The following SV2C variants were observed in gnomAD, a reference collection of about 807,000 sequenced individuals.
The protein encoded by SV2C is synaptic vesicle glycoprotein 2C, also known as solute carrier family 22 member B3.
In SV2C, 49 loss-of-function variants were observed where a neutral mutation model predicts 79.7. The ratio of observed to expected loss-of-function variants is 0.61; its 90% CI spans 0.49 to 0.78. The LOEUF (loss-of-function observed/expected upper bound fraction) is 0.78, where lower values mean the gene tolerates loss of function less well. Among genes scored for constraint, SV2C ranks in the 30% least tolerant of loss-of-function variants. SV2C has a pLI of 0.00. For synonymous variants in SV2C, 334 were observed against 333.2 expected (o/e 1.00, Z -0.03); for missense variants, 833 against 912.9 (o/e 0.91, Z 1.13).
chr5:76,232,542 G>A (rs1745458273), intron 4 of SV2C, among the ~76,000 whole-genome samples: 1 of 150,696 alleles, frequency 6.6e-6, no homozygotes, highest in Admixed American at 6.6e-5. Flanking sequence ...GTAATGCCTA[G>A]GTTTTCTTCT....
intron 4 of SV2C, among the ~76,000 whole-genome samples, chr5:76,272,352 T>C (rs1746898329): frequency 6.6e-6 from 1 of 152,170 alleles, no homozygotes; most frequent in East Asian, 1.9e-4. Context: ...ACAGAGAGCT[T>C]TTGTTGATCA....
chr5:75,965,487 A>T, the SV2C span, among the ~76,000 whole-genome samples: 20 of 152,156 alleles, frequency 1.3e-4, no homozygotes, highest in African/African-American at 4.8e-4. Context: ...CATGTGACAC[A>T]CAGTGAAAAG....
intron 12 of SV2C, among the ~76,000 whole-genome samples, chr5:76,349,969 A>G (rs369509752): frequency 6.6e-6 from 1 of 152,222 alleles, no homozygotes; most frequent in African/African-American, 2.4e-5. Context: ...TGTCCACACA[A>G]CAGAAACCAA....
Position 76,132,284 on chromosome 5 carries a change from T to G in SV2C, c.534T>G (p.Ser178Arg). 1 of 1,613,920 alleles carries G rather than the reference T, an allele frequency of 6.2e-7. No individual in the cohort carries two copies. The change falls in exon 2 of 13, where the codon AGT (serine) becomes AGG (arginine). Residue 178 changes from serine (S) to arginine (R), a missense_variant. Ser to Arg is a moderately radical substitution (Grantham distance 110, BLOSUM62 -1). Coordinates refer to ENST00000502798, the MANE Select transcript of SV2C (RefSeq NM_014979.4). ...TTGTCGTTGGCTTCGTGTTACCCAG[T>G]GCTGAGACAGACCTCTGCATCCCAA... Reference protein sequence around the residue: ...EVFVVGFVLPSAETDLCIPNS... With the variant: ...EVFVVGFVLPRAETDLCIPNS...
intron 12 of SV2C, among the ~76,000 whole-genome samples, chr5:76,323,903 G>C (rs995961587): frequency 4.6e-5 from 7 of 152,156 alleles, no homozygotes; most frequent in African/African-American, 1.7e-4. Context: ...TGGGGAGTGA[G>C]GGGAGGGAAC....
intron 2 of SV2C, chr5:76,173,843 A>G (rs1743417621): frequency 4.4e-6 from 7 of 1,598,344 alleles, no homozygotes; most frequent in South Asian, 1.1e-5. Flanking sequence ...CTTATTACCA[A>G]CAAGAATCAT....
the SV2C span, among the ~76,000 whole-genome samples, chr5:76,028,104 T>C: frequency 0.056 from 8,522 of 152,218 alleles, 809 homozygotes; most frequent in African/African-American, 0.19. Flanking sequence ...CAGCAATGTT[T>C]CCTCAATTCA....
the SV2C span, among the ~76,000 whole-genome samples, chr5:75,902,390 G>T: frequency 6.6e-6 from 1 of 152,184 alleles, no homozygotes. Context: ...GGTGCTGTAT[G>T]GGCCTAAGAA....
At position 76,300,828 on chromosome 5, in the gene SV2C, C is replaced by A. The variant is rs1348020453; in HGVS notation, c.1736C>A (p.Ala579Asp). The A allele has an allele frequency of 6.2e-7, 1 of 1,614,142 alleles. No homozygotes were observed. The highest frequency in any genetic ancestry group is 1.7e-5 in the Admixed American group (1 of 60,028). The change falls in exon 11 of 13, where the codon GCC (alanine) becomes GAC (aspartate). Residue 579 changes from alanine (A) to aspartate (D), a missense_variant. By Grantham distance (126) the Ala-to-Asp change is moderately radical (BLOSUM62 -2). Transcript: ENST00000502798. Reference sequence around the variant, plus strand: ...ATTACCTTTGATGATGACTATAGTGCCTACTGGATTTATTTTGTCAACTTT... The same window carrying A: ...ATTACCTTTGATGATGACTATAGTGACTACTGGATTTATTTTGTCAACTTT... ...CQITFDDDYS[A>D]YWIYFVNFLG...
the SV2C span, among the ~76,000 whole-genome samples, chr5:76,069,311 C>T: frequency 1.3e-5 from 2 of 152,172 alleles, no homozygotes; most frequent in Admixed American, 1.3e-4. Context: ...GTCTGAGCAG[C>T]TCCATTCATG....
intron 1 of SV2C, among the ~76,000 whole-genome samples, chr5:76,099,748 C>T (rs1580264950): frequency 2.0e-5 from 3 of 152,196 alleles, no homozygotes; most frequent in Non-Finnish European, 2.9e-5. Flanking sequence ...CTTCTATTAA[C>T]AGTAAGAAGG....
chr5:75,877,108 A>G, the SV2C span, among the ~76,000 whole-genome samples: 218 of 151,914 alleles, frequency 1.4e-3, 1 homozygote, highest in African/African-American at 4.2e-3. Flanking sequence ...AAAAAGACAT[A>G]TTATCAAAAA....
rs1749579768 is a variant in SV2C at position 76,348,252 on chromosome 5, T to G, written c.2001-4878T>G. Among the ~76,000 whole-genome samples, 3 of 152,332 alleles carry G rather than the reference T, an allele frequency of 2.0e-5. No individual in the cohort carries two copies. In the South Asian group the frequency reaches 6.2e-4, roughly 32 times the overall value. On this transcript the variant is annotated intron_variant, in intron 12 of 12. Transcript: ENST00000322285. Reference sequence around the variant, plus strand: ...CTCCATGCATATTACTCCATGTATATTCATGGCTTGATACCTCATTTCTTT... The same window carrying G: ...CTCCATGCATATTACTCCATGTATAGTCATGGCTTGATACCTCATTTCTTT...
the SV2C span, among the ~76,000 whole-genome samples, chr5:75,851,680 A>G: frequency 1.3e-5 from 2 of 151,708 alleles, no homozygotes; most frequent in Non-Finnish European, 2.9e-5. Context: ...TTGCTCTGTC[A>G]CCCAGGCTGG....
intron 2 of SV2C, among the ~76,000 whole-genome samples, chr5:76,170,607 CAAAA>C (rs1222240845): frequency 1.4e-5 from 2 of 141,316 alleles, no homozygotes; most frequent in East Asian, 4.0e-4. Flanking sequence ...CCTATGTAAA[CAAAA>C]AAAGGAAACA....
chr5:76,207,729 G>T (rs1744648245), intron 3 of SV2C, among the ~76,000 whole-genome samples: 1 of 152,126 alleles, frequency 6.6e-6, no homozygotes, highest in South Asian at 2.1e-4. Flanking sequence ...CAAACTCCTG[G>T]ATTCAAGTGA....
chr5:76,047,966 T>C, the SV2C span, among the ~76,000 whole-genome samples: 1,201 of 152,182 alleles, frequency 7.9e-3, 16 homozygotes, highest in African/African-American at 0.027. Context: ...ATATATTGTA[T>C]TCTTAAAAAA....
intron 8 of SV2C, among the ~76,000 whole-genome samples, chr5:76,292,454 A>G (rs1172885216): frequency 6.6e-6 from 1 of 152,118 alleles, no homozygotes; most frequent in Non-Finnish European, 1.5e-5. Context: ...CCCTCTCTGG[A>G]AGCTCCATGA....
rs139227019 is a variant in SV2C, at chr5:76,135,560, G to A, written c.580+3230G>A. The stretch of plus-strand genomic sequence containing the variant: ...TTTCAGGCGCCGCAGTCTTGCAGTA[G>A]AGGCTGGCAATTAAGAGTTATTGGC... On this transcript the variant is annotated intron_variant, in intron 2 of 12. Transcript: ENST00000502798. Among the ~76,000 whole-genome samples the A allele has an allele frequency of 7.2e-5, 11 of 152,310 alleles. 1 individual carries two copies. The East Asian group carries it at 1.9e-3, about 27-fold the overall frequency.
Sources: gnomAD v4.1 joint callset for allele counts (sites outside exome capture counted in the v4.1 genomes callset) on GRCh38, gnomAD v4.1.1 for gene constraint, MANE v1.5 for transcripts, NCBI Gene and HGNC (gene_info 2026-07-23, HGNC 2026-07-21) for gene names.